ASH1L: variants seen among roughly 807,000 people sequenced by gnomAD.
ASH1L encodes the protein ASH1 like histone lysine methyltransferase.
A neutral mutation model predicts 269.0 loss-of-function variants in ASH1L; 23 were observed. The observed-to-expected ratio is 0.09, with a 90% CI of 0.06 to 0.12. The LOEUF (loss-of-function observed/expected upper bound fraction) is 0.12. Ranked by LOEUF, ASH1L falls within the 10% of genes least tolerant of loss-of-function variation. ASH1L has a pLI of 1.00. For synonymous variants in ASH1L, 1,187 were observed against 1,253.5 expected (o/e 0.95, Z 1.12); for missense variants, 2,912 against 3,567.8 (o/e 0.82, Z 4.68).
At position 155,482,455 on chromosome 1, in the gene ASH1L, A is replaced by ACTG; in HGVS notation, c.421-7_421-6insCAG. 1 of 1,593,630 alleles carries ACTG rather than the reference A, an allele frequency of 6.3e-7. No homozygotes were observed. The highest frequency in any genetic ancestry group is 1.8e-5 in the Admixed American group (1 of 56,120). On this transcript the variant is annotated splice_polypyrimidine_tract_variant and splice_region_variant and intron_variant, in intron 2 of 27. Transcript: ENST00000392403. ...TTGTACAACTTTGAAGGGTCCTAAA[A>ACTG]TTTGAACAAGAAAAAAGTTAAAGAG...
At chr1:155,532,771 C>T (rs528869125) in intron 1 of ASH1L, among the ~76,000 whole-genome samples, 63 of 148,142 alleles carry the variant, frequency 4.3e-4, no homozygotes, top group Middle Eastern at 3.5e-3. Context: ...TGCAGTGAGC[C>T]GAGATTGTGC....
intron 12 of ASH1L, among the ~76,000 whole-genome samples, chr1:155,361,031 G>C (rs1013653089): frequency 6.6e-6 from 1 of 151,808 alleles, no homozygotes; most frequent in African/African-American, 2.4e-5. Context: ...ACCTGAGGTC[G>C]GGAGTTTGAG....
At chr1:155,366,800 TA>T (rs1385292662) in intron 12 of ASH1L, among the ~76,000 whole-genome samples, 5 of 151,942 alleles carry the variant, frequency 3.3e-5, no homozygotes, top group African/African-American at 1.2e-4. Flanking sequence ...CAGCCTCCAA[TA>T]GCTGGGACTA....
intron 3 of ASH1L, among the ~76,000 whole-genome samples, chr1:155,475,240 G>T (rs186582038): frequency 6.6e-6 from 1 of 151,994 alleles, no homozygotes; most frequent in Non-Finnish European, 1.5e-5. Context: ...GGGTTCAAGC[G>T]ATTCTCCTGC....
chr1:155,549,624 C>CAAA (rs1043659273), intron 1 of ASH1L, among the ~76,000 whole-genome samples: 141 of 60,448 alleles, frequency 2.3e-3, no homozygotes, highest in African/African-American at 7.3e-3. Context: ...GACTCAGTCT[C>CAAA]AAAAAAAAAA....
chr1:155,338,097 C>A lies in ASH1L; in HGVS notation c.8795G>T (p.Gly2932Val). 6.2e-7 allele frequency: 1 copy of A among 1,609,910 alleles called. No individual in the cohort carries two copies. The highest frequency in any genetic ancestry group is 8.5e-7 in the Non-Finnish European group (1 of 1,178,046). Reference protein sequence around the residue: ...ILLNLLEKIPGKNAIDVTYLL... With the variant: ...ILLNLLEKIPVKNAIDVTYLL... ...AACCTGATTCTTCTTACCATTTTTT[C>A]CAGGGATTTTTTCAAGGAGATTGAG... The change falls in exon 27 of 28, where the codon GGA becomes GTA. Residue 2932 changes from glycine (G) to valine (V), a missense_variant. Transcript: ENST00000392403.
At position 155,365,308 on chromosome 1, in the gene ASH1L, C is replaced by T. The variant is rs181797914; in HGVS notation, c.6687-4899G>A. On this transcript the variant is annotated intron_variant, in intron 12 of 27. Coordinates refer to ENST00000392403, the MANE Select transcript of ASH1L (RefSeq NM_018489.3). ...GCAACCTCCACCTCCTGGGTTCAAG[C>T]GATTCTCCTGCCTCAGCCTCCTGAG... 5.9e-5 allele frequency among the ~76,000 whole-genome samples: 9 copies of T among 151,302 alleles called. No individual in the cohort carries two copies. In the East Asian group the frequency reaches 1.4e-3, roughly 23 times the overall value.
chr1:155,419,886 C>A (rs1242196313), intron 5 of ASH1L, among the ~76,000 whole-genome samples: 1 of 152,146 alleles, frequency 6.6e-6, no homozygotes, highest in East Asian at 1.9e-4. Flanking sequence ...TAAAAACACC[C>A]AAAGACTCTA....
chr1:155,378,601 C>T (rs1170845255), intron 8 of ASH1L, 53 bp from the exon 9 acceptor site: 23 of 1,397,332 alleles, frequency 1.6e-5, no homozygotes, highest in Admixed American at 1.1e-4. Flanking sequence ...AAATGCCAGA[C>T]GGCAGCATCA....
intron 4 of ASH1L, among the ~76,000 whole-genome samples, chr1:155,448,303 T>C (rs377429365): frequency 4.6e-5 from 7 of 152,248 alleles, no homozygotes; most frequent in African/African-American, 1.4e-4. Context: ...AGCTTAGAAA[T>C]AGCTTTGGCT....
chr1:155,452,674 C>T (rs1271780403), intron 4 of ASH1L, among the ~76,000 whole-genome samples: 1 of 151,924 alleles, frequency 6.6e-6, no homozygotes, highest in Non-Finnish European at 1.5e-5. Context: ...CCTGCCTCAG[C>T]CTCCCAAGTA....
At chr1:155,418,838 G>C (rs544992204) in intron 5 of ASH1L, among the ~76,000 whole-genome samples, 25 of 151,076 alleles carry the variant, frequency 1.7e-4, no homozygotes, top group African/African-American at 5.6e-4. Context: ...GGGAGGCCGA[G>C]GTGGGTGGAT....
intron 2 of ASH1L, among the ~76,000 whole-genome samples, chr1:155,514,478 T>C (rs904661341): frequency 6.6e-6 from 1 of 152,206 alleles, no homozygotes; most frequent in African/African-American, 2.4e-5. Flanking sequence ...AATGTGGTTA[T>C]GTTATATATC....
chr1:155,459,670 G>T, intron 4 of ASH1L, 127 bp downstream of exon 4: 1 of 731,488 alleles, frequency 1.4e-6, no homozygotes, highest in Non-Finnish European at 2.2e-6. Context: ...CAACTCCTTT[G>T]AATGGAAAAA....
chr1:155,463,659 T>C (rs1471519851), intron 3 of ASH1L, among the ~76,000 whole-genome samples: 1 of 151,972 alleles, frequency 6.6e-6, no homozygotes, highest in Non-Finnish European at 1.5e-5. Flanking sequence ...CTGGGCATAG[T>C]GGTGCATACC....
chr1:155,517,402 G>C (rs1458825137), intron 2 of ASH1L, among the ~76,000 whole-genome samples: 1 of 152,136 alleles, frequency 6.6e-6, no homozygotes, highest in Non-Finnish European at 1.5e-5. Flanking sequence ...GCCGAGGCAG[G>C]CAGATCATTT....
chr1:155,408,213 G>C (rs916218442), intron 6 of ASH1L, among the ~76,000 whole-genome samples: 1 of 152,204 alleles, frequency 6.6e-6, no homozygotes, highest in Non-Finnish European at 1.5e-5. Context: ...ACTCAGAACA[G>C]AGGATCCAAC....
intron 2 of ASH1L, among the ~76,000 whole-genome samples, chr1:155,500,833 T>A (rs1478154806): frequency 6.6e-6 from 1 of 152,118 alleles, no homozygotes; most frequent in Non-Finnish European, 1.5e-5. Context: ...CCGAACATGG[T>A]GGCACATGCC....
At chr1:155,421,488 C>G (rs1055138130) in intron 5 of ASH1L, among the ~76,000 whole-genome samples, 1 of 151,286 alleles carries the variant, frequency 6.6e-6, no homozygotes, top group Non-Finnish European at 1.5e-5. Flanking sequence ...CTGGCTAACA[C>G]GGTGAAACCC....
Sources: allele counts gnomAD v4.1 joint callset (sites outside exome capture counted in the v4.1 genomes callset), GRCh38; gene constraint gnomAD v4.1.1; transcripts MANE v1.5; gene names NCBI Gene and HGNC (gene_info 2026-07-23, HGNC 2026-07-21).